Variants in PAQR5 observed in about 807,000 individuals in gnomAD.
PAQR5 encodes membrane progestin receptor gamma.
A neutral mutation model predicts 34.5 loss-of-function variants in PAQR5; 20 were observed. The observed-to-expected ratio is 0.58, with a 90% CI of 0.41 to 0.84. PAQR5 has a LOEUF of 0.84. Among genes scored for constraint, PAQR5 ranks in the 40% least tolerant of loss-of-function variants. The pLI is 0.00. For synonymous variants in PAQR5, 131 were observed against 155.6 expected (o/e 0.84, Z 1.18); for missense variants, 378 against 412.7 (o/e 0.92, Z 0.73).
At chr15:69,388,135 C>T (rs914398470) in intron 5 of PAQR5, among the ~76,000 whole-genome samples, 1 of 152,194 alleles carries the variant, frequency 6.6e-6, no homozygotes, top group African/African-American at 2.4e-5. Context: ...GCCCCTGCCT[C>T]CCTCCTCCCT....
At chr15:69,393,977 G>A (rs1026927749) in intron 6 of PAQR5, among the ~76,000 whole-genome samples, 2 of 152,168 alleles carry the variant, frequency 1.3e-5, no homozygotes, top group South Asian at 2.1e-4. Flanking sequence ...GGTGGCCGAG[G>A]CCCTGGCCTG....
chr15:69,311,956 A>C (rs922717564), intron 1 of PAQR5, among the ~76,000 whole-genome samples: 1 of 152,206 alleles, frequency 6.6e-6, no homozygotes, highest in Non-Finnish European at 1.5e-5. Flanking sequence ...AGGCCCAGTG[A>C]GGCTCCAGAG....
At chr15:69,383,363 C>CCTCCGTG (rs1595920458) in intron 4 of PAQR5, among the ~76,000 whole-genome samples, 1 of 139,866 alleles carries the variant, frequency 7.1e-6, no homozygotes, top group Admixed American at 7.2e-5. Context: ...GTGAGTGGGC[C>CCTCCGTG]TTTGTGTACA....
At chr15:69,398,194 T>TACTTGATGTTAGTATTGAAG (rs1452429549) in intron 7 of PAQR5, among the ~76,000 whole-genome samples, 1 of 152,106 alleles carries the variant, frequency 6.6e-6, no homozygotes, top group Non-Finnish European at 1.5e-5. Context: ...AGTAGTATAC[T>TACTTGATGTTAGTATTGAAG]GTTAGTATTG....
chr15:69,384,420 G>A (rs1185637620), intron 4 of PAQR5, among the ~76,000 whole-genome samples: 3 of 96,744 alleles, frequency 3.1e-5, no homozygotes, highest in African/African-American at 1.2e-4. Flanking sequence ...CGGGCCCTCC[G>A]TGTTCATGGT....
Position 69,348,634 on chromosome 15 carries a change from C to T in PAQR5, c.-116+11133C>T, listed in dbSNP as rs113514913. ...ACTTGGCAGGGGACATGTTCCAAGACGTTCCAAGTGAAGGCCTGAACTGCA... is the reference window on the plus strand; with the variant it reads ...ACTTGGCAGGGGACATGTTCCAAGATGTTCCAAGTGAAGGCCTGAACTGCA... On this transcript the variant is annotated intron_variant, in intron 2 of 8. Transcript: ENST00000395407. 7.5e-3 allele frequency among the ~76,000 whole-genome samples: 1,143 copies of T among 152,198 alleles called. 11 individuals are homozygous for T. Among genetic ancestry groups the T allele is most frequent in the African/African-American group, 0.026 (1,085 of 41,504 alleles).
intron 3 of PAQR5, among the ~76,000 whole-genome samples, chr15:69,376,359 A>G (rs1195746012): frequency 3.3e-5 from 5 of 152,330 alleles, no homozygotes; most frequent in African/African-American, 1.2e-4. Context: ...TGTATGTACC[A>G]TGCGTTTTAT....
In PAQR5 at chr15:69,360,094, A is replaced by G; in HGVS notation, c.14A>G (p.Lys5Arg). 1 of 1,613,710 alleles carries G rather than the reference A, an allele frequency of 6.2e-7. No individual in the cohort carries two copies. ...TCCAGCTCCAAGATGCTGAGCCTGA[A>G]GCTCCCCAGGCTGTTTAGCATAGAC... Reference protein sequence around the residue: MLSLKLPRLFSIDQI... With the variant: MLSLRLPRLFSIDQI... Residue 5 changes from lysine to arginine, a missense_variant, in exon 3 of 9, where the codon AAG (lysine) becomes AGG (arginine). By Grantham distance (26) the Lys-to-Arg change is conservative. Coordinates refer to ENST00000395407, the MANE Select transcript of PAQR5 (RefSeq NM_017705.4).
intron 5 of PAQR5, among the ~76,000 whole-genome samples, chr15:69,387,898 G>A (rs1327492642): frequency 2.3e-5 from 1 of 42,662 alleles, no homozygotes; most frequent in East Asian, 7.0e-4. Flanking sequence ...CCAACCCCCA[G>A]ACCTGGATAT....
chr15:69,398,486 C>T lies in PAQR5; in HGVS notation c.609+922C>T, dbSNP rs551732803. On this transcript the variant is annotated intron_variant, in intron 7 of 8. Transcript: ENST00000395407. The stretch of plus-strand genomic sequence containing the variant: ...AAAACAATGGATCTGATAGGCTCTG[C>T]GGTGCCTGTCCAGTACCCGGTGAGT... 4.6e-5 allele frequency among the ~76,000 whole-genome samples: 7 copies of T among 152,264 alleles called. No individual in the cohort carries two copies. In the East Asian group the frequency reaches 1.2e-3, roughly 25 times the overall value.
At chr15:69,305,655 C>G (rs1209573252) in intron 1 of PAQR5, among the ~76,000 whole-genome samples, 1 of 152,068 alleles carries the variant, frequency 6.6e-6, no homozygotes, top group Non-Finnish European at 1.5e-5. Flanking sequence ...ACTTTCCCCT[C>G]TCACGCTGCC....
chr15:69,321,812 C>T (rs1487649825), intron 1 of PAQR5, among the ~76,000 whole-genome samples: 2 of 152,088 alleles, frequency 1.3e-5, no homozygotes, highest in Non-Finnish European at 2.9e-5. Flanking sequence ...AACATTCATT[C>T]ATTGAACAGG....
chr15:69,384,892 G>T lies in PAQR5; in HGVS notation c.385+10G>T, dbSNP rs1335992971. 18 of 1,609,610 alleles carry T rather than the reference G, an allele frequency of 1.1e-5. No individual in the cohort carries two copies. Among genetic ancestry groups the T allele is most frequent in the Non-Finnish European group, 1.5e-5 (18 of 1,176,754 alleles). ...AACCTCTTCAGCCTGGGTATGTGAG[G>T]CCTTGTTCTTGCTTTCCTTCCCCTG... On this transcript the variant is annotated intron_variant, in intron 5 of 8. Coordinates refer to ENST00000395407, the MANE Select transcript of PAQR5 (RefSeq NM_017705.4).
At chr15:69,354,971 C>T (rs1027908438) in intron 2 of PAQR5, among the ~76,000 whole-genome samples, 3 of 152,188 alleles carry the variant, frequency 2.0e-5, no homozygotes, top group Non-Finnish European at 2.9e-5. Flanking sequence ...ACCTCCACCC[C>T]GCAGAGTTCT....
chr15:69,360,199 G>T (rs1057456310), intron 3 of PAQR5, 68 bp downstream of exon 3: 2 of 1,222,626 alleles, frequency 1.6e-6, no homozygotes, highest in African/African-American at 1.5e-5. Flanking sequence ...CCGCAATGGG[G>T]GGCTGTTGTC....
intron 1 of PAQR5, chr15:69,314,325 G>A (rs1344177550): frequency 3.3e-5 from 5 of 152,162 alleles, no homozygotes; most frequent in African/African-American, 1.2e-4. Flanking sequence ...GTCCCTCCTA[G>A]TCTGGTTTGG....
At chr15:69,347,658 A>G (rs2054809780) in intron 2 of PAQR5, among the ~76,000 whole-genome samples, 1 of 152,174 alleles carries the variant, frequency 6.6e-6, no homozygotes, top group Admixed American at 6.5e-5. Flanking sequence ...ACAAAATATC[A>G]TAGCGAGTGA....
chr15:69,308,269 A>G (rs1323478511), intron 1 of PAQR5, among the ~76,000 whole-genome samples: 2 of 152,342 alleles, frequency 1.3e-5, no homozygotes, highest in East Asian at 3.9e-4. Context: ...AGAGATCAAC[A>G]TGACCTAGTG....
intron 2 of PAQR5, among the ~76,000 whole-genome samples, chr15:69,343,574 A>G (rs1051623282): frequency 6.6e-6 from 1 of 152,232 alleles, no homozygotes; most frequent in Non-Finnish European, 1.5e-5. Flanking sequence ...ATCATTGCAG[A>G]TGAACTTAAG....
Sources: allele counts gnomAD v4.1 joint callset (sites outside exome capture counted in the v4.1 genomes callset), GRCh38; gene constraint gnomAD v4.1.1; transcripts MANE v1.5; gene names NCBI Gene and HGNC (gene_info 2026-07-23, HGNC 2026-07-21).